The following MYO3B variants were observed in gnomAD, a reference collection of about 807,000 sequenced individuals.
MYO3B encodes the protein myosin IIIB.
Under a neutral mutation model 174.6 loss-of-function variants are expected in MYO3B, and 156 were observed. The ratio of observed to expected loss-of-function variants is 0.89; its 90% confidence interval spans 0.78 to 1.02. MYO3B has a LOEUF of 1.02. MYO3B is among the 50% of genes least tolerant of loss of function. The pLI, the probability that MYO3B is intolerant of heterozygous loss-of-function variation, is 0.00. For synonymous variants in MYO3B, 563 were observed against 569.1 expected (o/e 0.99, Z 0.15); for missense variants, 1,632 against 1,639.4 (o/e 1.00, Z 0.08).
At chr2:170,517,953 T>C (rs780934697) in intron 29 of MYO3B, among the ~76,000 whole-genome samples, 4 of 152,086 alleles carry the variant, frequency 2.6e-5, no homozygotes, top group Non-Finnish European at 5.9e-5. Context: ...TTTTTCCTTC[T>C]TTCAATATTG....
chr2:170,595,651 C>T (rs1694101896), intron 32 of MYO3B, among the ~76,000 whole-genome samples: 1 of 152,062 alleles, frequency 6.6e-6, no homozygotes, highest in East Asian at 1.9e-4. Flanking sequence ...GTTGCCCAGG[C>T]TAGTCTTGAA....
chr2:170,542,776 A>G, intron 30 of MYO3B, 130 bp from the exon 31 acceptor site: 3 of 675,822 alleles, frequency 4.4e-6, no homozygotes, highest in Non-Finnish European at 7.2e-6. Context: ...TTAACCAAGG[A>G]CTGAAATGGG....
At chr2:170,356,029 C>T (rs1235446781) in intron 8 of MYO3B, among the ~76,000 whole-genome samples, 3 of 151,914 alleles carry the variant, frequency 2.0e-5, no homozygotes, top group Admixed American at 6.6e-5. Context: ...GGCGTGATCT[C>T]GGCTCACTGC....
chr2:170,537,448 ATTTT>A (rs559086883), intron 30 of MYO3B, among the ~76,000 whole-genome samples: 8 of 54,816 alleles, frequency 1.5e-4, no homozygotes, highest in African/African-American at 5.7e-4. Flanking sequence ...GAGCTCTTTG[ATTTT>A]TTTTTTTTTT....
intron 7 of MYO3B, among the ~76,000 whole-genome samples, chr2:170,270,198 A>G (rs894802741): frequency 3.3e-5 from 5 of 152,160 alleles, no homozygotes; most frequent in Non-Finnish European, 5.9e-5. Flanking sequence ...TTATTTAAAT[A>G]TTTTACACTG....
chr2:170,269,228 G>C (rs1319706255), intron 7 of MYO3B, among the ~76,000 whole-genome samples: 1 of 152,032 alleles, frequency 6.6e-6, no homozygotes, highest in African/African-American at 2.4e-5. Flanking sequence ...TTTTTTCCTA[G>C]GCTCCAGAGG....
chr2:170,592,344 A>G lies in MYO3B; in HGVS notation c.3733+48356A>G, dbSNP rs184752380. ...TCTTCAAAGACATAGGATTCAAGTG[A>G]AAGTTTCTCTTTAATAAGACCATTC... is the stretch of plus-strand genomic sequence containing the variant. On this transcript the variant is annotated intron_variant, in intron 32 of 34. Transcript: ENST00000408978. Among the ~76,000 whole-genome samples the G allele has an allele frequency of 1.0e-3, 158 of 152,316 alleles. 1 individual carries two copies. The highest frequency in any genetic ancestry group is 3.7e-3 in the African/African-American group (154 of 41,566).
In MYO3B at chr2:170,517,178, T is replaced by G. The variant is rs182263670; in HGVS notation, c.3472+2156T>G. Among the ~76,000 whole-genome samples, 25 of 152,370 alleles carry G rather than the reference T, an allele frequency of 1.6e-4. No individual in the cohort carries two copies. The East Asian group carries it at 4.2e-3, about 26-fold the overall frequency. On this transcript the variant is annotated intron_variant, in intron 29 of 34. Coordinates refer to ENST00000408978, the MANE Select transcript of MYO3B (RefSeq NM_138995.5). The stretch of plus-strand genomic sequence containing the variant: ...CAAAGCTGGGGGATGGAGGAGCAGA[T>G]TCCTTCTAAGCTTTATTCAGAATAT...
intron 22 of MYO3B, among the ~76,000 whole-genome samples, chr2:170,442,764 G>A (rs988289787): frequency 6.6e-6 from 1 of 152,046 alleles, no homozygotes; most frequent in African/African-American, 2.4e-5. Context: ...TTGGTTTTCT[G>A]TCCTTGCGAT....
At chr2:170,650,504 A>G (rs1344725798) in intron 32 of MYO3B, among the ~76,000 whole-genome samples, 3 of 151,996 alleles carry the variant, frequency 2.0e-5, no homozygotes, top group African/African-American at 4.8e-5. Flanking sequence ...GGATAGTGAT[A>G]GCTTTTCTCT....
At chr2:170,548,777 T>C (rs1690701125) in intron 32 of MYO3B, among the ~76,000 whole-genome samples, 1 of 152,202 alleles carries the variant, frequency 6.6e-6, no homozygotes, top group South Asian at 2.1e-4. Context: ...AGAGCAATCC[T>C]CAGAGACCAA....
intron 7 of MYO3B, among the ~76,000 whole-genome samples, chr2:170,307,388 T>A (rs1004821889): frequency 6.6e-6 from 1 of 152,060 alleles, no homozygotes; most frequent in African/African-American, 2.4e-5. Flanking sequence ...AGATAACGAA[T>A]TGTGTCTTTA....
chr2:170,437,780 A>C (rs892608878), intron 22 of MYO3B, among the ~76,000 whole-genome samples: 1 of 152,116 alleles, frequency 6.6e-6, no homozygotes, highest in Non-Finnish European at 1.5e-5. Context: ...CTTACTGCCC[A>C]GTCTACTAAT....
intron 8 of MYO3B, among the ~76,000 whole-genome samples, chr2:170,361,937 T>C (rs2094164568): frequency 6.6e-6 from 1 of 152,196 alleles, no homozygotes; most frequent in African/African-American, 2.4e-5. Context: ...TAGTCTGGGC[T>C]TTTCAAACTA....
rs556552044 is a variant in MYO3B, at chr2:170,199,304, T to A, written c.99T>A (p.Ile33=). ...PTDTWEIIET[I]GKGTYGKVYK... The stretch of plus-strand genomic sequence containing the variant: ...ACACCTGGGAAATTATAGAGACCAT[T>A]GGTAAAGGCACCTATGGCAAAGTCT... Residue 33 remains isoleucine, a synonymous_variant, in exon 2 of 35, where the codon ATT becomes ATA. Transcript: ENST00000408978. The A allele has an allele frequency of 1.4e-5, 23 of 1,613,196 alleles. No homozygotes were observed. The highest frequency in any genetic ancestry group is 1.9e-5 in the Non-Finnish European group (22 of 1,179,484).
Position 170,381,906 on chromosome 2 carries a change from A to T in MYO3B, c.972-110A>T. 3 of 840,418 alleles carry T rather than the reference A, an allele frequency of 3.6e-6. No individual in the cohort carries two copies. In the African/African-American group the frequency reaches 5.1e-5, roughly 14 times the overall value. The allele number at this position is 840,418 out of a possible 1,614,324, so 52.1% of individuals were successfully genotyped here. A position where few individuals can be genotyped will look rare whatever the true frequency, so the allele number is the denominator to read the frequency against. On this transcript the variant is annotated intron_variant, in intron 9 of 34. Coordinates refer to ENST00000408978, the MANE Select transcript of MYO3B (RefSeq NM_138995.5). ...CTGGACTTCCTGTCCCTGTCTCTGA[A>T]GTCTCTGAACATATCACGTGATAAG...
At chr2:170,396,181 G>A (rs1486059569) in intron 16 of MYO3B, among the ~76,000 whole-genome samples, 1 of 152,190 alleles carries the variant, frequency 6.6e-6, no homozygotes, top group African/African-American at 2.4e-5. Context: ...AGACAGCAGC[G>A]TAGCAAGATT....
intron 6 of MYO3B, among the ~76,000 whole-genome samples, chr2:170,234,207 AAC>A (rs2093046745): frequency 5.2e-5 from 7 of 134,776 alleles, no homozygotes; most frequent in South Asian, 4.2e-4. Context: ...ACAAAAAAAA[AAC>A]ACCTGTTTCT....
At chr2:170,474,418 G>A (rs1685178756) in intron 25 of MYO3B, among the ~76,000 whole-genome samples, 1 of 151,864 alleles carries the variant, frequency 6.6e-6, no homozygotes, top group Non-Finnish European at 1.5e-5. Context: ...TTTAAAGGAA[G>A]GATAGGGATG....
Sources: gnomAD v4.1 joint callset for allele counts (sites outside exome capture counted in the v4.1 genomes callset) on GRCh38, gnomAD v4.1.1 for gene constraint, MANE v1.5 for transcripts, NCBI Gene and HGNC (gene_info 2026-07-23, HGNC 2026-07-21) for gene names.